CREB5: variants seen among roughly 807,000 people sequenced by gnomAD.
CREB5 encodes the protein cAMP responsive element binding protein 5, also known as cyclic AMP-responsive element-binding protein 5.
CREB5 carries 19 observed loss-of-function variants against 57.1 expected under a neutral mutation model. The ratio of observed to expected loss-of-function variants is 0.33; its 90% CI spans 0.23 to 0.49. The LOEUF is 0.49. Ranked by LOEUF, CREB5 falls within the 20% of genes least tolerant of loss-of-function variation. CREB5 has a pLI of 0.99. For missense variants in CREB5, 579 were observed against 671.6 expected, an observed-to-expected ratio of 0.86 and a Z score of 1.52; for synonymous variants, 238 against 238.3, an observed-to-expected ratio of 1.00 and a Z score of 0.01.
Position 28,412,843 on chromosome 7 carries a change from G to T in CREB5, c.-72G>T. 1 of 1,384,618 alleles carries T rather than the reference G, an allele frequency of 7.2e-7. No individual in the cohort carries two copies. Among genetic ancestry groups the T allele is most frequent in the African/African-American group, 1.4e-5 (1 of 69,154 alleles). 85.8% of individuals were successfully genotyped at this position (1,384,618 alleles called of 1,614,324 possible). On this transcript the variant is annotated 5_prime_UTR_variant, in exon 1 of 11. Coordinates refer to ENST00000357727, the MANE Select transcript of CREB5 (RefSeq NM_182898.4). ...CTTGCTGGTGAAACAGAAGTTACTAGAAAGAAAGGAAGAAAAAACTTGATT... is the reference window on the plus strand; with the variant it reads ...CTTGCTGGTGAAACAGAAGTTACTATAAAGAAAGGAAGAAAAAACTTGATT...
intron 7 of CREB5, among the ~76,000 whole-genome samples, chr7:28,754,985 T>C (rs1269404892): frequency 6.6e-6 from 1 of 152,200 alleles, no homozygotes; most frequent in Non-Finnish European, 1.5e-5. Flanking sequence ...AGTAAAAAGA[T>C]AGCACTCTCT....
intron 4 of CREB5, among the ~76,000 whole-genome samples, chr7:28,515,121 T>A (rs1404359719): frequency 1.3e-5 from 2 of 152,198 alleles, no homozygotes; most frequent in African/African-American, 4.8e-5. Context: ...TTAATGTCCA[T>A]TAAATATACT....
intron 4 of CREB5, among the ~76,000 whole-genome samples, chr7:28,516,033 C>A (rs930541752): frequency 6.6e-6 from 1 of 151,726 alleles, no homozygotes; most frequent in Non-Finnish European, 1.5e-5. Flanking sequence ...CATAATGAGA[C>A]CTCTTCTGTA....
At chr7:28,356,836 G>A (rs894437910) in intron 1 of CREB5, among the ~76,000 whole-genome samples, 2 of 152,142 alleles carry the variant, frequency 1.3e-5, no homozygotes, top group Non-Finnish European at 2.9e-5. Context: ...GGCACTTGTC[G>A]TCAGCCGGAG....
chr7:28,496,409 C>A (rs1792048741), intron 3 of CREB5, among the ~76,000 whole-genome samples: 1 of 152,046 alleles, frequency 6.6e-6, no homozygotes, highest in South Asian at 2.1e-4. Flanking sequence ...ATTTTAAGTT[C>A]TGGGAAACAT....
chr7:28,305,234 G>A (rs866190168), intron 1 of CREB5, among the ~76,000 whole-genome samples: 32 of 152,218 alleles, frequency 2.1e-4, no homozygotes, highest in Middle Eastern at 6.8e-3. Flanking sequence ...TTGATTTCAT[G>A]TTGAAACACA....
chr7:28,582,364 T>G (rs1796151811), intron 5 of CREB5, among the ~76,000 whole-genome samples: 1 of 152,230 alleles, frequency 6.6e-6, no homozygotes, highest in South Asian at 2.1e-4. Context: ...AATGGTAACC[T>G]TCACGGGGAA....
intron 1 of CREB5, among the ~76,000 whole-genome samples, chr7:28,346,681 T>A (rs1786063845): frequency 6.6e-6 from 1 of 152,154 alleles, no homozygotes; most frequent in Non-Finnish European, 1.5e-5. Context: ...AGGAAGCAGG[T>A]GGGACTTTGG....
At position 28,547,767 on chromosome 7, in the gene CREB5, C is replaced by A. The variant is rs1015538002; in HGVS notation, c.292-22598C>A. Among the ~76,000 whole-genome samples the A allele has an allele frequency of 3.9e-5, 6 of 152,310 alleles. 1 individual carries two copies. The East Asian group carries it at 7.7e-4, about 20-fold the overall frequency. On this transcript the variant is annotated intron_variant, in intron 4 of 10. Transcript: ENST00000357727. ...ATGAAGGCAGGCTAATGACATCTCT[C>A]GCATTGTCATCTTTCGGTATGTAGC...
At chr7:28,608,123 TCACA>T (rs1200162382) in intron 5 of CREB5, among the ~76,000 whole-genome samples, 3,005 of 68,488 alleles carry the variant, frequency 0.044, 115 homozygotes, top group African/African-American at 0.1. Context: ...TCACACACAC[TCACA>T]CACACACACA....
At chr7:28,517,995 G>A (rs745746878) in intron 4 of CREB5, among the ~76,000 whole-genome samples, 1 of 152,098 alleles carries the variant, frequency 6.6e-6, no homozygotes, top group African/African-American at 2.4e-5. Context: ...GCTATTATTC[G>A]AGAGTTTTGA....
At chr7:28,812,103 A>G (rs986500649) in intron 9 of CREB5, among the ~76,000 whole-genome samples, 1 of 152,220 alleles carries the variant, frequency 6.6e-6, no homozygotes, top group African/African-American at 2.4e-5. Flanking sequence ...GACATTGCCA[A>G]ATGTCCCCTG....
intron 4 of CREB5, among the ~76,000 whole-genome samples, chr7:28,560,825 C>CGTGTGTGT (rs1562797019): frequency 2.7e-5 from 1 of 37,566 alleles, no homozygotes; most frequent in Admixed American, 2.8e-4. Flanking sequence ...TGTGTGTGCG[C>CGTGTGTGT]GCGCGCGCGT....
intron 1 of CREB5, among the ~76,000 whole-genome samples, chr7:28,299,638 T>C (rs547982077): frequency 6.6e-6 from 1 of 152,366 alleles, no homozygotes; most frequent in African/African-American, 2.4e-5. Flanking sequence ...TATTCTTTTG[T>C]TATTGTCCTC....
At chr7:28,640,858 T>G (rs922479666) in intron 5 of CREB5, among the ~76,000 whole-genome samples, 1 of 152,176 alleles carries the variant, frequency 6.6e-6, no homozygotes, top group Non-Finnish European at 1.5e-5. Flanking sequence ...CATCGGTCAT[T>G]GCAGCAGCAT....
chr7:28,632,843 A>G (rs1174558431), intron 5 of CREB5, among the ~76,000 whole-genome samples: 3 of 151,990 alleles, frequency 2.0e-5, no homozygotes, highest in Non-Finnish European at 4.4e-5. Flanking sequence ...TGTGTTTTTA[A>G]TTTTTTGTTT....
At chr7:28,586,261 C>A (rs1405313578) in intron 5 of CREB5, among the ~76,000 whole-genome samples, 3 of 152,120 alleles carry the variant, frequency 2.0e-5, no homozygotes, top group Non-Finnish European at 4.4e-5. Context: ...TGATGAAAGA[C>A]CCCTCAGTGA....
chr7:28,410,418 A>T (rs775167802), upstream of CREB5: 12 of 456,740 alleles, frequency 2.6e-5, no homozygotes, highest in South Asian at 1.9e-4. Context: ...CGGCAGAATC[A>T]CTTGAACTTT....
intron 1 of CREB5, among the ~76,000 whole-genome samples, chr7:28,328,474 T>A (rs73082456): frequency 0.11 from 16,233 of 152,230 alleles, 1,044 homozygotes; most frequent in Middle Eastern, 0.17. Flanking sequence ...AATGACTAAG[T>A]GCTGTGTATT....
Sources: gnomAD v4.1 joint callset for allele counts (sites outside exome capture counted in the v4.1 genomes callset) on GRCh38, gnomAD v4.1.1 for gene constraint, MANE v1.5 for transcripts, NCBI Gene and HGNC (gene_info 2026-07-23, HGNC 2026-07-21) for gene names.